ITGA3: variants seen among roughly 807,000 people sequenced by gnomAD.
ITGA3 encodes the protein integrin subunit alpha 3.
In ITGA3, 70 loss-of-function variants were observed where a neutral mutation model predicts 131.1. The ratio of observed to expected loss-of-function variants is 0.53; its 90% CI spans 0.44 to 0.65. The LOEUF (loss-of-function observed/expected upper bound fraction) is 0.65, where lower values mean the gene tolerates loss of function less well. ITGA3 is among the 30% of genes least tolerant of loss of function. The probability of loss-of-function intolerance (pLI) is 0.00; values close to 1 mark genes in which losing one functional copy is unlikely to be tolerated. For missense variants in ITGA3, 1,098 were observed against 1,388.6 expected, an observed-to-expected ratio of 0.79 and a Z score of 3.33; for synonymous variants, 537 against 571.6, an observed-to-expected ratio of 0.94 and a Z score of 0.86.
rs997213764 is a variant in ITGA3, at chr17:50,080,372, C to T, written c.2817C>T (p.Ile939=). ...CACGAGTGTGGAACAGCACCTTCAT[C>T]GAGGTCAGTGCCTGGGTCTGAAGGT... ...VKARVWNSTF[I]EDYRDFDRVR... The change falls in exon 22 of 26, where the codon ATC becomes ATT. Residue 939 remains isoleucine (I), a synonymous_variant. Coordinates refer to ENST00000320031, the MANE Select transcript of ITGA3 (RefSeq NM_002204.4). The T allele has an allele frequency of 2.4e-5, 38 of 1,600,228 alleles. No homozygotes were observed. The highest frequency in any genetic ancestry group is 5.4e-5 in the African/African-American group (4 of 74,640).
rs1219398682 is a variant in ITGA3 at position 50,056,673 on chromosome 17, GGAGCGAGAGAGTGTGC to G, written c.206+34_206+49del. The G allele has an allele frequency of 6.3e-7, 1 of 1,578,662 alleles. No homozygotes were observed. Among genetic ancestry groups the G allele is most frequent in the African/African-American group, 1.4e-5 (1 of 73,708 alleles). ...AAGTGAAGCTGGAGGGTGTGGGGTG[GGAGCGAGAGAGTGTGC>G]GAGCGCGGGATGCGGGTCCGGAGCT... On this transcript the variant is annotated intron_variant, in intron 1 of 25. Coordinates refer to ENST00000320031, the MANE Select transcript of ITGA3 (RefSeq NM_002204.4). This position sits in a 1 kb window ranked among gnomAD's most constrained non-coding sequence, Gnocchi z 5.6.
At chr17:50,067,837 T>C (rs899259841) in intron 3 of ITGA3, among the ~76,000 whole-genome samples, 2 of 152,220 alleles carry the variant, frequency 1.3e-5, no homozygotes, top group Non-Finnish European at 2.9e-5. Context: ...CACTCTCAGA[T>C]CCACACTTTA....
chr17:50,071,986 G>A lies in ITGA3; in HGVS notation c.960G>A (p.Gly320=). ...AIALADLNND[G]WQDLLVGAPY... ...CCCATTTCCCTCCTCTCCTGTGTAG[G>A]TGGCAGGACCTCCTGGTGGGCGCCC... Residue 320 remains glycine, a splice_region_variant and synonymous_variant, in exon 7 of 26, where the codon GGG becomes GGA. Transcript: ENST00000320031. 2 of 1,612,776 alleles carry A rather than the reference G, an allele frequency of 1.2e-6. No homozygotes were observed. Among genetic ancestry groups the A allele is most frequent in the South Asian group, 1.1e-5 (1 of 90,976 alleles).
intron 4 of ITGA3, among the ~76,000 whole-genome samples, chr17:50,070,193 G>C (rs1908558325): frequency 1.3e-5 from 2 of 152,216 alleles, no homozygotes; most frequent in African/African-American, 4.8e-5. Flanking sequence ...AGTGTCTAGA[G>C]AGTGGGGAAA....
chr17:50,056,207 G>A lies in ITGA3; in HGVS notation c.-233G>A, dbSNP rs1471158587. ...GGTTGCCCGGGGCAGGGACGGCGGC[G>A]ACCCGGCCGCTGGGGAGGCAGGAAG... On this transcript the variant is annotated 5_prime_UTR_variant, in exon 1 of 26. Coordinates refer to ENST00000320031, the MANE Select transcript of ITGA3 (RefSeq NM_002204.4). The surrounding 1 kb of genome is among the most constrained non-coding windows in gnomAD (Gnocchi z 5.6). The A allele has an allele frequency of 4.6e-6, 2 of 435,844 alleles. No individual in the cohort carries two copies. Among genetic ancestry groups the A allele is most frequent in the Non-Finnish European group, 8.0e-6 (2 of 249,212 alleles). The allele number at this position is 435,844 out of a possible 1,614,324, so 27.0% of individuals were successfully genotyped here.
chr17:50,073,593 A>AACACAC lies in ITGA3; in HGVS notation c.1157-288_1157-283dup, dbSNP rs71146961. ...GTCACAGAGCGAGACACTGTCTATA[A>AACACAC]ACACACACACACACACACACACACA... On this transcript the variant is annotated intron_variant, in intron 7 of 25. Transcript: ENST00000320031. Among the ~76,000 whole-genome samples the AACACAC allele has an allele frequency of 8.5e-3, 1,221 of 144,248 alleles. 21 individuals carry two copies. Among genetic ancestry groups the AACACAC allele is most frequent in the African/African-American group, 0.028 (1,097 of 38,632 alleles). 94.6% of individuals were successfully genotyped at this position (144,248 alleles called of 152,430 possible).
rs1299171382 is a variant in ITGA3, at chr17:50,073,939, G to A, written c.1180G>A (p.Glu394Lys). 1 of 1,614,020 alleles carries A rather than the reference G, an allele frequency of 6.2e-7. No individual in the cohort carries two copies. The highest frequency in any genetic ancestry group is 8.5e-7 in the Non-Finnish European group (1 of 1,179,994). ...FQDIAVGAPF[E>K]GLGKVYIYHS... is the part of the protein sequence containing the mutation. ...AGATATTGCTGTGGGAGCTCCGTTTGAAGGCTTGGGCAAAGTGTACATCTA... is the reference window on the plus strand; with the variant it reads ...AGATATTGCTGTGGGAGCTCCGTTTAAAGGCTTGGGCAAAGTGTACATCTA... Residue 394 changes from glutamate (E) to lysine (K), a missense_variant, in exon 8 of 26, where the codon GAA (glutamate) becomes AAA (lysine). Glu to Lys is a moderately conservative substitution (Grantham distance 56, BLOSUM62 1). This residue lies in a region of ITGA3 where 356 missense variants were observed against 529.2 expected (regional missense o/e 0.67). Transcript: ENST00000320031.
chr17:50,079,548 G>A lies in ITGA3; in HGVS notation c.2697G>A (p.Glu899=). ...CTGCTGCCAAAAAAGCCAAGTCTGA[G>A]ACTGTGCTGGTGAGTGGCCAGGGCG... is the stretch of plus-strand genomic sequence containing the variant. The part of the protein sequence containing the change: ...TLAAAKKAKS[E]TVLTCATGRA... Residue 899 remains glutamate, a synonymous_variant, in exon 21 of 26, where the codon GAG becomes GAA. Transcript: ENST00000320031. The A allele has an allele frequency of 6.5e-7, 1 of 1,545,824 alleles. No individual in the cohort carries two copies.
At chr17:50,071,674 C>G in intron 6 of ITGA3, 156 bp downstream of exon 6, 1 of 698,242 alleles carries the variant, frequency 1.4e-6, no homozygotes, top group South Asian at 1.9e-5. Flanking sequence ...AGTCTGAGCA[C>G]CTGCACATGG....
At chr17:50,063,978 G>T in intron 1 of ITGA3, 99 bp from the exon 2 acceptor site, 1 of 1,486,048 alleles carries the variant, frequency 6.7e-7, no homozygotes. Flanking sequence ...GGGTCTCCTG[G>T]CACCAAGAAT....
At chr17:50,062,136 G>A (rs4793636) in intron 1 of ITGA3, among the ~76,000 whole-genome samples, 25,954 of 151,932 alleles carry the variant, frequency 0.17, 3,888 homozygotes, top group African/African-American at 0.41. Context: ...ACAACAAATC[G>A]GAACAACAAT....
intron 18 of ITGA3, 98 bp from the exon 19 acceptor site, chr17:50,078,726 T>A (rs1005874839): frequency 1.3e-5 from 9 of 710,354 alleles, no homozygotes; most frequent in Admixed American, 6.7e-5. Context: ...GTGACTGATG[T>A]CAGAGGGGCT....
At chr17:50,081,840 C>T (rs1333744364) in intron 23 of ITGA3, among the ~76,000 whole-genome samples, 1 of 152,116 alleles carries the variant, frequency 6.6e-6, no homozygotes, top group Non-Finnish European at 1.5e-5. Flanking sequence ...TTGTCACATC[C>T]ACTATGGACC....
At chr17:50,076,190 A>T in intron 12 of ITGA3, 136 bp from the exon 13 acceptor site, 1 of 881,654 alleles carries the variant, frequency 1.1e-6, no homozygotes. Context: ...ACCGGACTGG[A>T]GGGAGTTCAG....
At chr17:50,082,297 G>C (rs1324758317) in intron 23 of ITGA3, among the ~76,000 whole-genome samples, 2 of 152,034 alleles carry the variant, frequency 1.3e-5, no homozygotes, top group Non-Finnish European at 2.9e-5. Context: ...TCCTGCCTTG[G>C]CCTCCCAAGT....
Position 50,078,302 on chromosome 17 carries a change from C to T in ITGA3, c.2297+18C>T, listed in dbSNP as rs968862862. 6.3e-7 allele frequency: 1 copy of T among 1,599,782 alleles called. No individual in the cohort carries two copies. Among genetic ancestry groups the T allele is most frequent in the Admixed American group, 1.7e-5 (1 of 59,686 alleles). ...CTTAGCATGTGGGTACCGCTCTCCA[C>T]CACCCCCACCCCAGCCTGCTGTGCC... On this transcript the variant is annotated intron_variant, in intron 18 of 25. Transcript: ENST00000320031.
At chr17:50,085,933 A>G (rs1323884465) in intron 23 of ITGA3, among the ~76,000 whole-genome samples, 1 of 10,352 alleles carries the variant, frequency 9.7e-5, no homozygotes, top group Admixed American at 1.0e-3. Context: ...ATTAGATTAT[A>G]CATATTATAG....
intron 23 of ITGA3, chr17:50,086,667 C>T (rs1047299730): frequency 1.8e-5 from 2 of 109,370 alleles, no homozygotes; most frequent in African/African-American, 3.5e-5. Context: ...CCACCCTCAG[C>T]AACAGAGCAA....
chr17:50,083,582 G>T (rs1019851894), intron 23 of ITGA3, among the ~76,000 whole-genome samples: 19 of 151,922 alleles, frequency 1.3e-4, no homozygotes, highest in African/African-American at 4.6e-4. Context: ...AAATTAGCTG[G>T]GTGTGGTGGT....
Sources: gnomAD v4.1 joint callset for allele counts (sites outside exome capture counted in the v4.1 genomes callset) on GRCh38, gnomAD v4.1.1 for gene constraint, gnomAD v4.1.1 regional missense constraint, Gnocchi (gnomAD v3.1) non-coding constraint, MANE v1.5 for transcripts, NCBI Gene and HGNC (gene_info 2026-07-23, HGNC 2026-07-21) for gene names.